Variants in FBXL13 observed in about 807,000 individuals in gnomAD.
FBXL13 encodes F-box and leucine rich repeat protein 13.
Under a neutral mutation model 83.6 loss-of-function variants are expected in FBXL13, and 67 were observed. That is an observed-to-expected ratio of 0.80 (90% CI 0.66 to 0.98). The LOEUF (loss-of-function observed/expected upper bound fraction) is 0.98, where lower values mean the gene tolerates loss of function less well. Ranked by LOEUF, FBXL13 falls within the 50% of genes least tolerant of loss-of-function variation. The pLI is 0.00. For missense variants in FBXL13, 822 were observed against 866.5 expected (o/e 0.95, Z 0.64); for synonymous variants, 272 against 299.5 (o/e 0.91, Z 0.95).
chr7:103,003,322 C>T (rs1220176329), intron 6 of FBXL13, among the ~76,000 whole-genome samples: 2 of 120,792 alleles, frequency 1.7e-5, no homozygotes, highest in African/African-American at 3.2e-5. Flanking sequence ...GACTCTCACT[C>T]TCTTGCCCAG....
chr7:103,068,216 G>A (rs769620754), intron 1 of FBXL13, among the ~76,000 whole-genome samples: 1 of 152,208 alleles, frequency 6.6e-6, no homozygotes, highest in South Asian at 2.1e-4. Flanking sequence ...GGAAGATGGT[G>A]AGCCAGATGC....
At chr7:102,964,402 A>ATTT (rs1186354806) in intron 7 of FBXL13, among the ~76,000 whole-genome samples, 1 of 134,750 alleles carries the variant, frequency 7.4e-6, no homozygotes, top group African/African-American at 3.4e-5. Context: ...ATATATATAT[A>ATTT]TATTTTTTTT....
intron 16 of FBXL13, among the ~76,000 whole-genome samples, chr7:102,855,229 T>A (rs1172219389): frequency 6.6e-6 from 1 of 152,196 alleles, no homozygotes; most frequent in Non-Finnish European, 1.5e-5. Flanking sequence ...AAAGAACCTA[T>A]TTGTTAATAT....
intron 6 of FBXL13, among the ~76,000 whole-genome samples, chr7:103,019,493 T>C (rs1327450126): frequency 1.3e-5 from 2 of 151,988 alleles, no homozygotes; most frequent in African/African-American, 4.8e-5. Context: ...CTGAAGGAGA[T>C]AGAGACACAA....
At chr7:103,052,838 C>T (rs978760331) in intron 2 of FBXL13, among the ~76,000 whole-genome samples, 2 of 151,074 alleles carry the variant, frequency 1.3e-5, no homozygotes, top group African/African-American at 4.9e-5. Context: ...CTCACTGCAA[C>T]CTCCGCCTCC....
intron 17 of FBXL13, among the ~76,000 whole-genome samples, chr7:102,840,791 C>CAGAAACAAG (rs1206247650): frequency 1.3e-5 from 2 of 152,138 alleles, no homozygotes; most frequent in African/African-American, 4.8e-5. Context: ...GTCATGTTAC[C>CAGAAACAAG]TCAAGTTTCT....
At chr7:103,064,475 GAAGAA>G (rs1296017698) in intron 1 of FBXL13, among the ~76,000 whole-genome samples, 1 of 152,182 alleles carries the variant, frequency 6.6e-6, no homozygotes, top group East Asian at 1.9e-4. Flanking sequence ...GGGAAAGGAA[GAAGAA>G]AAGGGGGTAA....
intron 2 of FBXL13, among the ~76,000 whole-genome samples, chr7:103,041,494 C>CA (rs1437214159): frequency 1.3e-5 from 2 of 152,148 alleles, no homozygotes; most frequent in Non-Finnish European, 2.9e-5. Context: ...CATCCTGATA[C>CA]AAAAGCCTGA....
chr7:102,877,974 A>T (rs1215927059), intron 15 of FBXL13, among the ~76,000 whole-genome samples: 2 of 151,082 alleles, frequency 1.3e-5, no homozygotes, highest in African/African-American at 4.9e-5. Context: ...AGGGGAGTCA[A>T]GAATAAACCA....
At chr7:102,869,723 T>C (rs1461264797) in intron 16 of FBXL13, among the ~76,000 whole-genome samples, 2 of 152,228 alleles carry the variant, frequency 1.3e-5, no homozygotes, top group African/African-American at 4.8e-5. Context: ...GCACCATTTA[T>C]TGAAGAGAAT....
chr7:102,970,835 G>A (rs58183016), intron 6 of FBXL13, among the ~76,000 whole-genome samples: 8,512 of 152,170 alleles, frequency 0.056, 294 homozygotes, highest in South Asian at 0.11. Flanking sequence ...TAGCAGATGC[G>A]ACTCAGCTAA....
intron 1 of FBXL13, among the ~76,000 whole-genome samples, chr7:103,072,410 G>C (rs1451386849): frequency 1.3e-5 from 2 of 152,166 alleles, no homozygotes; most frequent in Non-Finnish European, 2.9e-5. Flanking sequence ...CTTAGACAAT[G>C]GAGAATGCAT....
intron 6 of FBXL13, among the ~76,000 whole-genome samples, chr7:103,017,596 T>C (rs1052182453): frequency 6.6e-6 from 1 of 152,218 alleles, no homozygotes; most frequent in African/African-American, 2.4e-5. Flanking sequence ...GATGAATAGC[T>C]AACTAGAATA....
intron 10 of FBXL13, among the ~76,000 whole-genome samples, chr7:102,920,276 T>C (rs764122572): frequency 5.9e-5 from 9 of 152,192 alleles, no homozygotes; most frequent in East Asian, 1.9e-4. Flanking sequence ...CAAGTAAACA[T>C]AGTTCACAGA....
intron 6 of FBXL13, among the ~76,000 whole-genome samples, chr7:102,983,334 A>G (rs756576387): frequency 6.6e-6 from 1 of 152,030 alleles, no homozygotes; most frequent in African/African-American, 2.4e-5. Flanking sequence ...ACCAGAAGTT[A>G]GAGGCTCAAT....
chr7:102,820,531 C>T (rs1388107022), intron 19 of FBXL13, among the ~76,000 whole-genome samples: 4 of 152,148 alleles, frequency 2.6e-5, no homozygotes, highest in African/African-American at 9.7e-5. Context: ...AGGCAGGATT[C>T]GGATGTTACT....
Position 102,924,110 on chromosome 7 carries a change from T to C in FBXL13, c.878+2164A>G, listed in dbSNP as rs185937184. The stretch of plus-strand genomic sequence containing the variant: ...AAAATTAGCCGGGTGTGGTGGCACA[T>C]GCCTCTAATCCCAGCTACTTGGGAG... On this transcript the variant is annotated intron_variant, in intron 10 of 19. Coordinates refer to ENST00000313221, the Ensembl canonical transcript of FBXL13. Among the ~76,000 whole-genome samples, 214 of 151,450 alleles carry C rather than the reference T, an allele frequency of 1.4e-3. 1 individual carries two copies. Among genetic ancestry groups the C allele is most frequent in the Non-Finnish European group, 1.2e-3 (78 of 67,806 alleles).
intron 6 of FBXL13, among the ~76,000 whole-genome samples, chr7:103,013,330 T>C (rs750900936): frequency 2.0e-5 from 3 of 152,138 alleles, no homozygotes; most frequent in African/African-American, 4.8e-5. Flanking sequence ...CAACAGAACA[T>C]ACATTCTTCA....
intron 2 of FBXL13, among the ~76,000 whole-genome samples, chr7:103,053,071 T>C (rs1022007982): frequency 5.9e-5 from 9 of 152,098 alleles, no homozygotes; most frequent in Non-Finnish European, 1.2e-4. Context: ...ATTCCTTTTC[T>C]AATAAAACTT....
Sources: gnomAD v4.1 joint callset for allele counts (sites outside exome capture counted in the v4.1 genomes callset) on GRCh38, gnomAD v4.1.1 for gene constraint, MANE v1.5 for transcripts, NCBI Gene and HGNC (gene_info 2026-07-23, HGNC 2026-07-21) for gene names.